EYS: variants seen among roughly 807,000 people sequenced by gnomAD.
EYS encodes protein eyes shut homolog.
In EYS, 250 loss-of-function variants were observed where a neutral mutation model predicts 282.1. The observed-to-expected ratio is 0.89, with a 90% CI of 0.80 to 0.98. The LOEUF is 0.98. EYS is among the 50% of genes least tolerant of loss of function. The pLI is 0.00. For missense variants in EYS, 4,016 were observed against 3,709.0 expected (o/e 1.08, Z -2.15); for synonymous variants, 1,355 against 1,282.9 (o/e 1.06, Z -1.20).
chr6:63,801,660 C>T (rs972114538), intron 37 of EYS, among the ~76,000 whole-genome samples: 1 of 152,134 alleles, frequency 6.6e-6, no homozygotes, highest in Non-Finnish European at 1.5e-5. Context: ...GAAGAAAACA[C>T]CAAATATGAC....
At chr6:64,598,335 T>C (rs1025315549) in intron 24 of EYS, among the ~76,000 whole-genome samples, 1 of 152,124 alleles carries the variant, frequency 6.6e-6, no homozygotes, top group Non-Finnish European at 1.5e-5. Context: ...GTGGCGGGCG[T>C]CTGTAGTCCC....
intron 33 of EYS, among the ~76,000 whole-genome samples, chr6:64,005,842 AC>A (rs1179470020): frequency 6.6e-6 from 1 of 151,952 alleles, no homozygotes. Flanking sequence ...GTTTTTTTGT[AC>A]AAGTACCATG....
At chr6:65,036,759 A>G (rs1438218369) in intron 13 of EYS, among the ~76,000 whole-genome samples, 1 of 152,058 alleles carries the variant, frequency 6.6e-6, no homozygotes, top group Non-Finnish European at 1.5e-5. Flanking sequence ...CCACATTGAG[A>G]TACCATCTCA....
chr6:65,467,508 CACACACACACACAT>C (rs1460061269), intron 5 of EYS, among the ~76,000 whole-genome samples: 1 of 151,646 alleles, frequency 6.6e-6, no homozygotes, highest in Non-Finnish European at 1.5e-5. Flanking sequence ...TATTTAAACA[CACACACACACACAT>C]ACACACACAC....
At chr6:64,087,094 G>A (rs569111117) in intron 31 of EYS, among the ~76,000 whole-genome samples, 3 of 152,270 alleles carry the variant, frequency 2.0e-5, no homozygotes, top group Middle Eastern at 3.4e-3. Context: ...GACTTGGCTT[G>A]TAAATAAATA....
At chr6:65,413,208 T>C (rs1767094556) in intron 5 of EYS, among the ~76,000 whole-genome samples, 1 of 152,158 alleles carries the variant, frequency 6.6e-6, no homozygotes, top group Admixed American at 6.5e-5. Flanking sequence ...AAAATATTCT[T>C]CATCACAGCT....
chr6:63,923,550 A>T (rs568120056), intron 35 of EYS, among the ~76,000 whole-genome samples: 1 of 152,214 alleles, frequency 6.6e-6, no homozygotes, highest in Non-Finnish European at 1.5e-5. Flanking sequence ...TCTTTAAAAA[A>T]TTTTTATAAG....
In EYS at chr6:64,307,065, C is replaced by G. The variant is rs1769478416; in HGVS notation, c.6096G>C (p.Lys2032Asn). Residue 2032 changes from lysine (K) to asparagine (N), a missense_variant, in exon 30 of 43, where the codon AAG (lysine) becomes AAC (asparagine). Physicochemically the swap from Lys to Asn is moderately conservative, Grantham distance 94. Transcript: ENST00000503581. ...TAACTTCTATGCAGCCAGTAAAATT[C>G]TTGACTGGTACAGGCATCTGAGAGA... ...HGKIQMPVPV[K>N]NFTGCIEVIE... is the part of the protein sequence containing the mutation. 2 of 1,496,110 alleles carry G rather than the reference C, an allele frequency of 1.3e-6. No individual in the cohort carries two copies. The highest frequency in any genetic ancestry group is 1.8e-6 in the Non-Finnish European group (2 of 1,100,294). 92.7% of individuals were successfully genotyped at this position (1,496,110 alleles called of 1,614,324 possible). A position where few individuals can be genotyped will look rare whatever the true frequency, so the allele number is the denominator to read the frequency against.
chr6:65,175,572 C>G (rs1765205150), intron 12 of EYS, among the ~76,000 whole-genome samples: 1 of 151,142 alleles, frequency 6.6e-6, no homozygotes, highest in South Asian at 2.1e-4. Context: ...TCATAAGTGA[C>G]CAGACAGGAA....
intron 5 of EYS, among the ~76,000 whole-genome samples, chr6:65,431,602 T>C (rs1582282540): frequency 6.6e-6 from 1 of 152,136 alleles, no homozygotes; most frequent in East Asian, 1.9e-4. Flanking sequence ...TCATTATATA[T>C]GACAGTAACA....
chr6:65,652,198 C>T (rs1171957460), intron 1 of EYS, among the ~76,000 whole-genome samples: 2 of 151,912 alleles, frequency 1.3e-5, no homozygotes, highest in Non-Finnish European at 2.9e-5. Context: ...AAGAAAAATG[C>T]TTTTTGCAAA....
chr6:64,071,150 T>A (rs1348998790), intron 32 of EYS, among the ~76,000 whole-genome samples: 1 of 151,908 alleles, frequency 6.6e-6, no homozygotes, highest in Non-Finnish European at 1.5e-5. Context: ...TCTAGACGAG[T>A]GGATTAAAAG....
At chr6:65,330,515 A>AT (rs1769756077) in intron 11 of EYS, 1 of 984,290 alleles carries the variant, frequency 1.0e-6, no homozygotes, top group South Asian at 4.7e-5. Context: ...CCCCAGAAAA[A>AT]TTTTTTGAAG....
At chr6:64,722,328 T>C (rs563681065) in intron 22 of EYS, among the ~76,000 whole-genome samples, 1 of 151,306 alleles carries the variant, frequency 6.6e-6, no homozygotes, top group Non-Finnish European at 1.5e-5. Flanking sequence ...ATGAGAAAAA[T>C]ATAATTGAAT....
chr6:64,670,565 T>C (rs1769420523), intron 22 of EYS, among the ~76,000 whole-genome samples: 2 of 152,008 alleles, frequency 1.3e-5, no homozygotes, highest in African/African-American at 4.8e-5. Context: ...AAACATAGAG[T>C]ATGAGACATT....
intron 41 of EYS, among the ~76,000 whole-genome samples, chr6:63,756,414 G>C (rs538655931): frequency 2.0e-5 from 3 of 152,274 alleles, no homozygotes; most frequent in African/African-American, 7.2e-5. Flanking sequence ...TTCTGTTTAT[G>C]TGATGGTTTA....
intron 12 of EYS, among the ~76,000 whole-genome samples, chr6:65,113,111 T>C (rs145153931): frequency 0.02 from 3,088 of 152,170 alleles, 59 homozygotes; most frequent in Non-Finnish European, 0.029. Flanking sequence ...CTTTTAGTTG[T>C]GCACGTAAGC....
intron 18 of EYS, among the ~76,000 whole-genome samples, chr6:64,895,158 G>A (rs1767415739): frequency 6.6e-6 from 1 of 152,082 alleles, no homozygotes; most frequent in Admixed American, 6.6e-5. Context: ...GCTAGAAAGG[G>A]CACAGAAAAT....
chr6:64,180,613 T>C (rs1764761320), intron 31 of EYS, among the ~76,000 whole-genome samples: 1 of 152,072 alleles, frequency 6.6e-6, no homozygotes, highest in Non-Finnish European at 1.5e-5. Flanking sequence ...GGGTCTGTTG[T>C]TGCCATCTTT....
Sources: allele counts gnomAD v4.1 joint callset (sites outside exome capture counted in the v4.1 genomes callset), GRCh38; gene constraint gnomAD v4.1.1; transcripts MANE v1.5; gene names NCBI Gene and HGNC (gene_info 2026-07-23, HGNC 2026-07-21).